FAT4: variants seen among roughly 807,000 people sequenced by gnomAD.
The protein encoded by FAT4 is protocadherin Fat 4.
Under a neutral mutation model 303.9 loss-of-function variants are expected in FAT4, and 84 were observed. The observed-to-expected ratio is 0.28, with a 90% CI of 0.23 to 0.33. FAT4 has a LOEUF of 0.33. Ranked by LOEUF, FAT4 falls within the 10% of genes least tolerant of loss-of-function variation. The probability of loss-of-function intolerance (pLI) is 1.00; values close to 1 mark genes in which losing one functional copy is unlikely to be tolerated. For missense variants in FAT4, 6,005 were observed against 6,146.8 expected, an observed-to-expected ratio of 0.98 and a Z score of 0.77; for synonymous variants, 2,307 against 2,298.8, an observed-to-expected ratio of 1.00 and a Z score of -0.10.
In FAT4 at chr4:125,319,785, T is replaced by C; in HGVS notation, c.3374T>C (p.Val1125Ala). Residue 1125 changes from valine to alanine, a missense_variant, in exon 2 of 18, where the codon GTA becomes GCA. Transcript: ENST00000394329. ...AGSFVGKVSA[V>A]DKDFGPNGEV... Reference sequence around the variant, plus strand: ...TCGTTTGTGGGCAAAGTAAGTGCTGTAGATAAAGACTTTGGGCCAAATGGA... The same window carrying C: ...TCGTTTGTGGGCAAAGTAAGTGCTGCAGATAAAGACTTTGGGCCAAATGGA... The C allele has an allele frequency of 6.2e-7, 1 of 1,614,230 alleles. No homozygotes were observed. The highest frequency in any genetic ancestry group is 1.1e-5 in the South Asian group (1 of 91,086).
At chr4:125,385,486 G>A (rs1733711681) in intron 2 of FAT4, among the ~76,000 whole-genome samples, 1 of 152,054 alleles carries the variant, frequency 6.6e-6, no homozygotes, top group Non-Finnish European at 1.5e-5. Flanking sequence ...AGTGTCATCT[G>A]TTTTATTTTT....
chr4:125,356,549 GTTT>G (rs57855830), intron 2 of FAT4, among the ~76,000 whole-genome samples: 42,766 of 131,382 alleles, frequency 0.33, 6,630 homozygotes, highest in Non-Finnish European at 0.4. Flanking sequence ...TTTGTTTTTT[GTTT>G]TTTTTTTTTT....
rs533986119 is a variant in FAT4, at chr4:125,383,144, A to G, written c.5176-15640A>G. Among the ~76,000 whole-genome samples, 7 of 152,112 alleles carry G rather than the reference A, an allele frequency of 4.6e-5. No homozygotes were observed. The East Asian group carries it at 1.4e-3, about 29-fold the overall frequency. On this transcript the variant is annotated intron_variant, in intron 2 of 17. Transcript: ENST00000394329. ...TTTCCTTCAGTATCATTTCCTTTGC[A>G]TTTACAACTTGGCTAGCTATTTGGC...
intron 2 of FAT4, among the ~76,000 whole-genome samples, chr4:125,380,715 C>T (rs1418822936): frequency 6.6e-6 from 1 of 152,144 alleles, no homozygotes; most frequent in Non-Finnish European, 1.5e-5. Flanking sequence ...TTCTATTAAT[C>T]TAGACAGGAG....
chr4:125,398,930 T>A lies in FAT4; in HGVS notation c.5307+15T>A, dbSNP rs760968011. The A allele has an allele frequency of 2.5e-6, 4 of 1,612,024 alleles. No homozygotes were observed. The Admixed American group carries it at 6.7e-5, about 27-fold the overall frequency. On this transcript the variant is annotated intron_variant, in intron 3 of 17. Transcript: ENST00000394329. ...ATGCTGATGAGGTAGCTCAAGCATG[T>A]CTCTGAATTTGTGAAACTTCGTAGT...
chr4:125,453,551 C>G (rs1318513849), intron 10 of FAT4, among the ~76,000 whole-genome samples: 2 of 152,056 alleles, frequency 1.3e-5, no homozygotes, highest in Admixed American at 6.6e-5. Flanking sequence ...ACTAAAAATG[C>G]AAAAATTAAC....
chr4:125,380,768 T>C (rs114036043), intron 2 of FAT4, among the ~76,000 whole-genome samples: 300 of 152,320 alleles, frequency 2.0e-3, no homozygotes, highest in Non-Finnish European at 2.7e-3. Context: ...ATTTGACAAA[T>C]TTGAAATGCT....
At chr4:125,344,868 C>T (rs1196890473) in intron 2 of FAT4, among the ~76,000 whole-genome samples, 1 of 152,084 alleles carries the variant, frequency 6.6e-6, no homozygotes, top group Non-Finnish European at 1.5e-5. Flanking sequence ...ATTTCTCACT[C>T]ATCCCTGGGT....
At chr4:125,407,478 C>CAAA (rs11411219) in intron 4 of FAT4, among the ~76,000 whole-genome samples, 1 of 149,418 alleles carries the variant, frequency 6.7e-6, no homozygotes. Context: ...AAAAGAACAG[C>CAAA]AAAAAAAAAA....
At chr4:125,366,113 C>T (rs1377328202) in intron 2 of FAT4, among the ~76,000 whole-genome samples, 1 of 152,058 alleles carries the variant, frequency 6.6e-6, no homozygotes, top group African/African-American at 2.4e-5. Context: ...AAAACTGGTC[C>T]CTGGTGCCAA....
At chr4:125,360,945 TTA>T (rs1393606696) in intron 2 of FAT4, among the ~76,000 whole-genome samples, 3 of 147,004 alleles carry the variant, frequency 2.0e-5, no homozygotes, top group East Asian at 3.9e-4. Flanking sequence ...TTTATTATTT[TTA>T]TTTTATTTTA....
chr4:125,330,318 G>A (rs1450892035), intron 2 of FAT4, among the ~76,000 whole-genome samples: 4 of 152,126 alleles, frequency 2.6e-5, no homozygotes, highest in Non-Finnish European at 4.4e-5. Flanking sequence ...ATTGCCTTGC[G>A]GCATTTCTTC....
intron 2 of FAT4, among the ~76,000 whole-genome samples, chr4:125,327,474 G>C (rs537318620): frequency 1.3e-5 from 2 of 152,234 alleles, no homozygotes; most frequent in South Asian, 4.1e-4. Flanking sequence ...AACAGCCTGG[G>C]ATAAATTTTT....
chr4:125,424,266 A>G (rs1489900726), intron 7 of FAT4, among the ~76,000 whole-genome samples: 3 of 152,106 alleles, frequency 2.0e-5, no homozygotes, highest in Non-Finnish European at 2.9e-5. Context: ...GGTGGTAATT[A>G]AATCATGGGG....
Position 125,320,911 on chromosome 4 carries a change from T to A in FAT4, c.4500T>A (p.Asp1500Glu). 6.2e-7 allele frequency: 1 copy of A among 1,614,192 alleles called. No individual in the cohort carries two copies. Among genetic ancestry groups the A allele is most frequent in the Middle Eastern group, 1.6e-4 (1 of 6,062 alleles). The change falls in exon 2 of 18, where the codon GAT becomes GAA. Residue 1500 changes from aspartate (D) to glutamate (E), a missense_variant. Physicochemically the swap from Asp to Glu is conservative, Grantham distance 45. Transcript: ENST00000394329. ...NLFELTVKAN[D>E]QAVPIETRRY... The stretch of plus-strand genomic sequence containing the variant: ...TTGAGTTGACTGTAAAAGCCAATGA[T>A]CAAGCTGTGCCAATAGAAACTAGAC...
At position 125,452,661 on chromosome 4, in the gene FAT4, G is replaced by A. The variant is rs751246439; in HGVS notation, c.11651G>A (p.Gly3884Glu). ...HSGGTCHNLVGGFSCSCPDGF... is the reference protein window; with the variant it reads ...HSGGTCHNLVEGFSCSCPDGF... ...GGTGGAACCTGTCACAATTTAGTGG[G>A]AGGATTTTCATGCAGCTGCCCAGAT... The change falls in exon 10 of 18, where the codon GGA (glycine) becomes GAA (glutamate). Residue 3884 changes from glycine (G) to glutamate (E), a missense_variant. By Grantham distance (98) the Gly-to-Glu change is moderately conservative (BLOSUM62 -2). Coordinates refer to ENST00000394329, the MANE Select transcript of FAT4 (RefSeq NM_001291303.3). The A allele has an allele frequency of 2.5e-6, 4 of 1,614,124 alleles. No homozygotes were observed. The highest frequency in any genetic ancestry group is 1.7e-5 in the Admixed American group (1 of 60,016).
rs747374650 is a variant in FAT4, at chr4:125,317,867, G to A, written c.1456G>A (p.Glu486Lys). ...SQQVYRVNLS[E>K]EAPPGSYVSG... ...GCAAGTGTACAGAGTGAACCTGAGC[G>A]AGGAGGCGCCTCCGGGAAGCTATGT... Residue 486 changes from glutamate (E) to lysine (K), a missense_variant, in exon 2 of 18, where the codon GAG becomes AAG. Coordinates refer to ENST00000394329, the MANE Select transcript of FAT4 (RefSeq NM_001291303.3). This position sits in a 1 kb window ranked among gnomAD's most constrained non-coding sequence, Gnocchi z 7.0. 3 of 1,614,168 alleles carry A rather than the reference G, an allele frequency of 1.9e-6. No homozygotes were observed. Among genetic ancestry groups the A allele is most frequent in the Non-Finnish European group, 2.5e-6 (3 of 1,180,024 alleles).
At chr4:125,391,890 G>A (rs1473810584) in intron 2 of FAT4, among the ~76,000 whole-genome samples, 1 of 151,972 alleles carries the variant, frequency 6.6e-6, no homozygotes, top group Non-Finnish European at 1.5e-5. Flanking sequence ...CTGAATATGG[G>A]ACTTTAATAA....
At chr4:125,400,765 G>A (rs540212364) in intron 3 of FAT4, among the ~76,000 whole-genome samples, 526 of 152,082 alleles carry the variant, frequency 3.5e-3, no homozygotes, top group Non-Finnish European at 5.3e-3. Flanking sequence ...AGACATGCTA[G>A]TTAAGAAAAA....
Sources: gnomAD v4.1 joint callset for allele counts (sites outside exome capture counted in the v4.1 genomes callset) on GRCh38, gnomAD v4.1.1 for gene constraint, Gnocchi (gnomAD v3.1) non-coding constraint, MANE v1.5 for transcripts, NCBI Gene and HGNC (gene_info 2026-07-23, HGNC 2026-07-21) for gene names.